Variants in POF1B observed in about 807,000 individuals in gnomAD.
POF1B encodes the protein POF1B actin binding protein, also known as protein POF1B.
In POF1B, 53 loss-of-function variants were observed where a neutral mutation model predicts 55.3. The observed-to-expected ratio is 0.96, with a 90% CI of 0.77 to 1.20. The LOEUF (loss-of-function observed/expected upper bound fraction) is 1.20, where lower values mean the gene tolerates loss of function less well. Among genes scored for constraint, POF1B ranks in the 50% most tolerant of loss-of-function variants. POF1B has a pLI of 0.00. For missense variants in POF1B, 478 were observed against 420.5 expected (o/e 1.14, Z -1.20); for synonymous variants, 188 against 148.3 (o/e 1.27, Z -1.95).
chrX:85,302,161 A>G (rs190017946), intron 15 of POF1B, among the ~76,000 whole-genome samples: 1 of 111,487 alleles, frequency 9.0e-6, no homozygotes, highest in East Asian at 2.8e-4. Flanking sequence ...TAGTGAAAAG[A>G]CAACCCATGG....
chrX:85,307,212 T>C lies in POF1B; in HGVS notation c.1115A>G (p.Glu372Gly), dbSNP rs139114616. ...DLSFKDTQLK[E>G]YEELLASVRA... ...CACTGATGCCAAGAGTTCTTCGTAC[T>C]CTTTTAATTGAGTGTCTTTGAATGA... Residue 372 changes from glutamate (E) to glycine (G), a missense_variant, in exon 11 of 17, where the codon GAG (glutamate) becomes GGG (glycine). By Grantham distance (98) the Glu-to-Gly change is moderately conservative (BLOSUM62 -2). Transcript: ENST00000262753. The C allele has an allele frequency of 7.5e-6, 9 of 1,207,871 alleles. No individual in the cohort carries two copies. Among genetic ancestry groups the C allele is most frequent in the South Asian group, 3.6e-5 (2 of 56,301 alleles).
chrX:85,363,987 T>C (rs1432016092), intron 3 of POF1B, among the ~76,000 whole-genome samples: 3 of 112,188 alleles, frequency 2.7e-5, no homozygotes, highest in African/African-American at 9.7e-5. Flanking sequence ...ATTGAAATCT[T>C]TACTATTATG....
intron 15 of POF1B, among the ~76,000 whole-genome samples, chrX:85,285,452 C>T (rs1203339228): frequency 3.6e-5 from 4 of 110,776 alleles, no homozygotes; most frequent in Non-Finnish European, 7.6e-5. Context: ...ACATATACAC[C>T]ATGGAATACT....
At chrX:85,286,456 T>C (rs749825628) in intron 15 of POF1B, among the ~76,000 whole-genome samples, 7 of 111,642 alleles carry the variant, frequency 6.3e-5, no homozygotes, top group Non-Finnish European at 1.1e-4. Context: ...CATATAGATA[T>C]GTATTGCCTA....
intron 7 of POF1B, among the ~76,000 whole-genome samples, chrX:85,322,535 C>A (rs1932850152): frequency 9.0e-6 from 1 of 111,718 alleles, no homozygotes; most frequent in Admixed American, 9.6e-5. Flanking sequence ...TAGGCATGGG[C>A]AAGGACTTCA....
intron 7 of POF1B, among the ~76,000 whole-genome samples, chrX:85,320,511 G>C (rs957412133): frequency 9.1e-6 from 1 of 110,431 alleles, no homozygotes; most frequent in East Asian, 2.8e-4. Flanking sequence ...AATTGACACC[G>C]TAACATCACA....
At chrX:85,324,365 T>C (rs1932873666) in intron 7 of POF1B, among the ~76,000 whole-genome samples, 1 of 111,259 alleles carries the variant, frequency 9.0e-6, no homozygotes, top group African/African-American at 3.3e-5. Context: ...TCTTCATAGC[T>C]CTCTATGAAC....
At position 85,379,157 on chromosome X, in the gene POF1B, G is replaced by A; in HGVS notation, c.282+16C>T. On this transcript the variant is annotated intron_variant, in intron 2 of 16. Coordinates refer to ENST00000262753, the MANE Select transcript of POF1B (RefSeq NM_024921.4). ...TGCCTTTCTCCACTAGTCTGGCATA[G>A]CTTTCTTTGTTGTACCTGAGAATGG... The A allele has an allele frequency of 8.3e-7, 1 of 1,205,538 alleles. No homozygotes were observed.
chrX:85,294,439 T>C (rs974880195), intron 15 of POF1B, among the ~76,000 whole-genome samples: 2 of 112,169 alleles, frequency 1.8e-5, no homozygotes, highest in Non-Finnish European at 3.8e-5. Context: ...TGTTGGACTT[T>C]ATTGATAGCT....
intron 3 of POF1B, among the ~76,000 whole-genome samples, chrX:85,361,702 T>C (rs2343586): frequency 0.18 from 19,952 of 110,849 alleles, 3,560 homozygotes; most frequent in African/African-American, 0.55. Flanking sequence ...CTCTTTTTCT[T>C]GTTCCATATG....
chrX:85,361,667 C>T (rs1009892685), intron 3 of POF1B, among the ~76,000 whole-genome samples: 13 of 111,622 alleles, frequency 1.2e-4, no homozygotes, highest in Non-Finnish European at 2.1e-4. Context: ...GTTCTTTTTG[C>T]TTATGATTGC....
At chrX:85,339,985 C>A (rs1933143336) in intron 6 of POF1B, among the ~76,000 whole-genome samples, 1 of 110,873 alleles carries the variant, frequency 9.0e-6, no homozygotes, top group Non-Finnish European at 1.9e-5. Context: ...TTAAATAATT[C>A]TTCCAATTGA....
At chrX:85,298,701 C>G (rs1471487948) in intron 15 of POF1B, among the ~76,000 whole-genome samples, 1 of 111,819 alleles carries the variant, frequency 8.9e-6, no homozygotes, top group Non-Finnish European at 1.9e-5. Context: ...TCTTGTCCCT[C>G]TCTCCAGAAA....
intron 7 of POF1B, among the ~76,000 whole-genome samples, chrX:85,326,596 T>C (rs1403817662): frequency 9.1e-6 from 1 of 110,273 alleles, no homozygotes; most frequent in Non-Finnish European, 1.9e-5. Context: ...CTGGCAGCTG[T>C]GGCACAGGAA....
At chrX:85,365,938 T>A (rs984921257) in intron 3 of POF1B, among the ~76,000 whole-genome samples, 1 of 110,843 alleles carries the variant, frequency 9.0e-6, no homozygotes, top group African/African-American at 3.3e-5. Flanking sequence ...TGCCTGGTAA[T>A]GAGCAGGTGA....
chrX:85,287,007 C>G (rs903619715), intron 15 of POF1B, among the ~76,000 whole-genome samples: 4 of 110,993 alleles, frequency 3.6e-5, no homozygotes, highest in African/African-American at 1.3e-4. Flanking sequence ...ACCTGTAGAT[C>G]CAAGTACAAA....
In POF1B at chrX:85,345,929, T is replaced by C; in HGVS notation, c.654A>G (p.Gly218=). The change falls in exon 6 of 17, where the codon GGA becomes GGG. Residue 218 remains glycine, a synonymous_variant. Coordinates refer to ENST00000262753, the MANE Select transcript of POF1B (RefSeq NM_024921.4). Reference sequence around the variant, plus strand: ...CAATATGTGTAGAAATTGGATTATTTCCTGTGATGGCTTGGATTTGCTGGC... The same window carrying C: ...CAATATGTGTAGAAATTGGATTATTCCCTGTGATGGCTTGGATTTGCTGGC... ...DSSQQIQAIT[G]NNPISTHIGN... is the part of the protein sequence containing the mutation. 1 of 1,208,494 alleles carries C rather than the reference T, an allele frequency of 8.3e-7. No homozygotes were observed. Among genetic ancestry groups the C allele is most frequent in the Non-Finnish European group, 1.1e-6 (1 of 893,676 alleles).
intron 13 of POF1B, 24 bp downstream of exon 13, chrX:85,305,767 T>C (rs1462673097): frequency 1.7e-6 from 2 of 1,201,931 alleles, no homozygotes; most frequent in South Asian, 3.6e-5. Flanking sequence ...ACCTGTGTAT[T>C]TATGCAATGT....
chrX:85,357,275 C>G (rs1933520383), intron 4 of POF1B, among the ~76,000 whole-genome samples: 1 of 111,206 alleles, frequency 9.0e-6, no homozygotes, highest in African/African-American at 3.3e-5. Context: ...CTTCTTATCT[C>G]TTCCAGAATA....
Sources: allele counts gnomAD v4.1 joint callset (sites outside exome capture counted in the v4.1 genomes callset), GRCh38; gene constraint gnomAD v4.1.1; transcripts MANE v1.5; gene names NCBI Gene and HGNC (gene_info 2026-07-23, HGNC 2026-07-21).